DNAH5: variants seen among roughly 807,000 people sequenced by gnomAD.
DNAH5 encodes the protein dynein axonemal heavy chain 5, also known as axonemal beta dynein heavy chain 5.
DNAH5 carries 372 observed loss-of-function variants against 518.2 expected under a neutral mutation model. That is an observed-to-expected ratio of 0.72 (90% CI 0.66 to 0.78). The LOEUF is 0.78. DNAH5 is among the 30% of genes least tolerant of loss of function. The probability of loss-of-function intolerance (pLI) is 0.00; values close to 1 mark genes in which losing one functional copy is unlikely to be tolerated. For synonymous variants in DNAH5, 2,039 were observed against 2,025.9 expected, an observed-to-expected ratio of 1.01 and a Z score of -0.17; for missense variants, 5,523 against 5,687.0, an observed-to-expected ratio of 0.97 and a Z score of 0.93.
At chr5:13,920,127 G>A (rs1050242726) in intron 6 of DNAH5, among the ~76,000 whole-genome samples, 11 of 152,176 alleles carry the variant, frequency 7.2e-5, no homozygotes, top group African/African-American at 2.7e-4. Context: ...TTCTGAATTT[G>A]TGTTTAAGGT....
At chr5:13,694,834 A>C (rs1012120161) in intron 78 of DNAH5, among the ~76,000 whole-genome samples, 8 of 152,230 alleles carry the variant, frequency 5.3e-5, no homozygotes, top group Admixed American at 2.0e-4. Context: ...AAACCATGTG[A>C]GCTAAGCATG....
chr5:13,939,153 T>C (rs1237967491), intron 1 of DNAH5, among the ~76,000 whole-genome samples: 1 of 152,172 alleles, frequency 6.6e-6, no homozygotes, highest in Non-Finnish European at 1.5e-5. Context: ...ATTTATTCGA[T>C]AGCAGCAGTG....
At chr5:13,908,938 A>G (rs1775670715) in intron 12 of DNAH5, among the ~76,000 whole-genome samples, 1 of 152,132 alleles carries the variant, frequency 6.6e-6, no homozygotes, top group Non-Finnish European at 1.5e-5. Context: ...TTTTATAAAG[A>G]TGAGGGCTGA....
rs534916914 is a variant in DNAH5 at position 13,951,013 on chromosome 5, A to G, written c.13-19769T>C. ...AATTAATTAGAGAGATAGGAAGAGA[A>G]CCCTTATTAATGTGATGCTTCTTGC... On this transcript the variant is annotated intron_variant, in intron 1 of 78. Coordinates refer to the DNAH5 transcript ENST00000681290. Among the ~76,000 whole-genome samples the G allele has an allele frequency of 5.9e-5, 9 of 152,226 alleles. No homozygotes were observed. In the South Asian group the frequency reaches 1.9e-3, roughly 32 times the overall value.
chr5:13,938,506 T>C (rs1428845429), intron 1 of DNAH5, among the ~76,000 whole-genome samples: 1 of 151,586 alleles, frequency 6.6e-6, no homozygotes, highest in Non-Finnish European at 1.5e-5. Context: ...AATTTATAAG[T>C]TAAAGTTTGT....
At chr5:13,852,933 T>C (rs1767096878) in intron 30 of DNAH5, among the ~76,000 whole-genome samples, 1 of 152,154 alleles carries the variant, frequency 6.6e-6, no homozygotes, top group East Asian at 1.9e-4. Context: ...GGGGCAGCTG[T>C]GGGGTACAGC....
intron 65 of DNAH5, among the ~76,000 whole-genome samples, chr5:13,747,577 T>C (rs1436201164): frequency 6.6e-6 from 1 of 152,228 alleles, no homozygotes; most frequent in East Asian, 1.9e-4. Flanking sequence ...ATGATCGCCA[T>C]TCTAACTGGT....
intron 70 of DNAH5, among the ~76,000 whole-genome samples, chr5:13,723,550 C>A (rs1745329084): frequency 6.6e-6 from 1 of 152,166 alleles, no homozygotes; most frequent in Admixed American, 6.5e-5. Context: ...ACTATGGGGC[C>A]AGATGGTAAA....
chr5:13,943,437 G>C (rs561971752), intron 1 of DNAH5, among the ~76,000 whole-genome samples: 1 of 152,364 alleles, frequency 6.6e-6, no homozygotes, highest in South Asian at 2.1e-4. Context: ...CCTCCTCAAA[G>C]TGTCAGGGGA....
intron 35 of DNAH5, among the ~76,000 whole-genome samples, chr5:13,831,961 G>A (rs374341990): frequency 3.5e-4 from 54 of 152,254 alleles, no homozygotes; most frequent in African/African-American, 1.3e-3. Flanking sequence ...CGGCAGGACA[G>A]CTGAGACAAG....
intron 21 of DNAH5, among the ~76,000 whole-genome samples, chr5:13,881,039 G>C (rs1448004016): frequency 6.6e-6 from 1 of 151,886 alleles, no homozygotes; most frequent in Non-Finnish European, 1.5e-5. Context: ...ACATCAAAAA[G>C]TGTAAAAAGA....
At chr5:13,899,984 T>C in intron 15 of DNAH5, 1 of 565,012 alleles carries the variant, frequency 1.8e-6, no homozygotes, top group Admixed American at 3.2e-5. Context: ...AATGGTTTCC[T>C]GGTACACTCA....
chr5:13,864,290 G>C, intron 28 of DNAH5, 107 bp downstream of exon 28: 1 of 1,476,226 alleles, frequency 6.8e-7, no homozygotes, highest in Non-Finnish European at 9.4e-7. Flanking sequence ...CAGGAGAAGA[G>C]TTTCAATTGT....
chr5:13,717,769 C>A (rs977668619), intron 72 of DNAH5, among the ~76,000 whole-genome samples: 2 of 152,120 alleles, frequency 1.3e-5, no homozygotes, highest in Non-Finnish European at 2.9e-5. Flanking sequence ...TCCTGCCAAT[C>A]TAACAAGATC....
chr5:13,707,263 T>A lies in DNAH5; in HGVS notation c.13338+860A>T, dbSNP rs1044132385. On this transcript the variant is annotated intron_variant, in intron 76 of 78. Coordinates refer to ENST00000265104, the MANE Select transcript of DNAH5 (RefSeq NM_001369.3). The surrounding 1 kb of genome is among the most constrained non-coding windows in gnomAD (Gnocchi z 4.0). ...GACCACCTTCCCACTCCATCCCCCT[T>A]CTGGCTCCCCATCCACCTTGCTGAG... Among the ~76,000 whole-genome samples the A allele has an allele frequency of 1.3e-5, 2 of 152,256 alleles. No individual in the cohort carries two copies. The highest frequency in any genetic ancestry group is 6.5e-5 in the Admixed American group (1 of 15,290).
At chr5:13,781,718 G>A (rs1199996897) in intron 52 of DNAH5, among the ~76,000 whole-genome samples, 1 of 151,988 alleles carries the variant, frequency 6.6e-6, no homozygotes, top group Admixed American at 6.6e-5. Context: ...CAGCCATGTG[G>A]AACTATAAGT....
At chr5:13,830,405 A>G (rs770734771) in intron 36 of DNAH5, among the ~76,000 whole-genome samples, 192 bp from the exon 37 acceptor site, 1 of 130,148 alleles carries the variant, frequency 7.7e-6, no homozygotes, top group Non-Finnish European at 1.7e-5. Flanking sequence ...CACCCAAGAT[A>G]AAGGAATATC....
At chr5:13,911,521 A>C in intron 11 of DNAH5, 28 bp from the exon 12 acceptor site, 1 of 1,520,044 alleles carries the variant, frequency 6.6e-7, no homozygotes, top group Non-Finnish European at 9.1e-7. Context: ...AAATTAGATA[A>C]TATTTCAATA....
At chr5:13,817,428 C>G in intron 42 of DNAH5, 120 bp downstream of exon 42, 1 of 973,294 alleles carries the variant, frequency 1.0e-6, no homozygotes, top group East Asian at 2.6e-5. Flanking sequence ...TGATTTATGA[C>G]TTCTTAGTCT....
Sources: allele counts gnomAD v4.1 joint callset (sites outside exome capture counted in the v4.1 genomes callset), GRCh38; gene constraint gnomAD v4.1.1; non-coding constraint Gnocchi (gnomAD v3.1); transcripts MANE v1.5; gene names NCBI Gene and HGNC (gene_info 2026-07-23, HGNC 2026-07-21).